The following FAM107A variants were observed in gnomAD, a reference collection of about 807,000 sequenced individuals.
FAM107A encodes the protein family with sequence similarity 107 member A.
A neutral mutation model predicts 13.7 loss-of-function variants in FAM107A; 19 were observed. The observed-to-expected ratio is 1.38, with a 90% CI of 0.97 to 2.03. The LOEUF is 2.03. Among genes scored for constraint, FAM107A ranks in the 30% most tolerant of loss-of-function variants. The probability of loss-of-function intolerance (pLI) is 0.00; values close to 1 mark genes in which losing one functional copy is unlikely to be tolerated. For synonymous variants in FAM107A, 82 were observed against 74.5 expected, an observed-to-expected ratio of 1.10 and a Z score of -0.52; for missense variants, 203 against 184.4, an observed-to-expected ratio of 1.10 and a Z score of -0.58.
chr3:58,588,156 A>G (rs543802715), upstream of FAM107A, among the ~76,000 whole-genome samples: 1 of 152,328 alleles, frequency 6.6e-6, no homozygotes, highest in East Asian at 1.9e-4. Flanking sequence ...CCAAGACCCA[A>G]TCCAGTTCTC....
chr3:58,595,149 C>T (rs142256265), intron 1 of FAM107A, among the ~76,000 whole-genome samples: 8 of 152,182 alleles, frequency 5.3e-5, no homozygotes, highest in African/African-American at 1.2e-4. Flanking sequence ...CAGTCCCACT[C>T]GAAGCAGCCC....
At chr3:58,577,942 A>G (rs1230527350), upstream of FAM107A, among the ~76,000 whole-genome samples, 1 of 152,170 alleles carries the variant, frequency 6.6e-6, no homozygotes, top group East Asian at 1.9e-4. The surrounding 1 kb of genome is among the most constrained non-coding windows in gnomAD (Gnocchi z 4.9). Context: ...GAGCCAACGG[A>G]AGAGCGTGGG....
chr3:58,568,438 CA>C (rs535839912), intron 2 of FAM107A, among the ~76,000 whole-genome samples: 13 of 143,742 alleles, frequency 9.0e-5, no homozygotes, highest in Admixed American at 4.9e-4. Context: ...TCATCTCAAA[CA>C]AAAAAAAAGA....
intron 1 of FAM107A, among the ~76,000 whole-genome samples, chr3:58,582,918 C>T (rs1337370709): frequency 6.6e-6 from 1 of 152,162 alleles, no homozygotes; most frequent in Non-Finnish European, 1.5e-5. Context: ...CCCACCTCAG[C>T]CTCCCGAGTA....
intron 1 of FAM107A, among the ~76,000 whole-genome samples, chr3:58,600,604 G>A (rs928740799): frequency 1.3e-5 from 2 of 152,244 alleles, no homozygotes; most frequent in Non-Finnish European, 1.5e-5. Flanking sequence ...AATGTTCTGA[G>A]AGGATGGATA....
At position 58,570,583 on chromosome 3, in the gene FAM107A, C is replaced by CAGAGAGAGAGAGAGAGAGAGAGAG. The variant is rs371909507; in HGVS notation, c.-5-742_-5-719dup. ...TTGAAATGCCCAAAAGCAAATACAG[C>CAGAGAGAGAGAGAGAGAGAGAGAG]AGAGAGAGAGAGAGAGAGAGAGAGA... On this transcript the variant is annotated intron_variant, in intron 1 of 3. Coordinates refer to ENST00000360997, the MANE Select transcript of FAM107A (RefSeq NM_001076778.3). Among the ~76,000 whole-genome samples, 9 of 91,042 alleles carry CAGAGAGAGAGAGAGAGAGAGAGAG rather than the reference C, an allele frequency of 9.9e-5. 1 individual carries two copies. Among genetic ancestry groups the CAGAGAGAGAGAGAGAGAGAGAGAG allele is most frequent in the Non-Finnish European group, 1.4e-4 (6 of 43,486 alleles). 59.7% of individuals were successfully genotyped at this position (91,042 alleles called of 152,430 possible). A position where few individuals can be genotyped will look rare whatever the true frequency, so the allele number is the denominator to read the frequency against.
upstream of FAM107A, among the ~76,000 whole-genome samples, chr3:58,579,631 G>A (rs532753949): frequency 6.6e-6 from 1 of 152,114 alleles, no homozygotes; most frequent in African/African-American, 2.4e-5. Context: ...TAGGGTCTTT[G>A]GTGGCTCAGA....
Position 58,567,207 on chromosome 3 carries a change from C to T in FAM107A, c.327+1G>A, listed in dbSNP as rs143244041. On this transcript the variant is annotated splice_donor_variant, in intron 3 of 3. Transcript: ENST00000360997. LOFTEE classifies it high-confidence loss of function. ...GTCCCTGCTGGGTGCCCATCACCCA[C>T]CTGGTTCAGCCTCTGCTGCCGTCTC... 8.1e-6 allele frequency: 13 copies of T among 1,614,090 alleles called. No homozygotes were observed. Among genetic ancestry groups the T allele is most frequent in the African/African-American group, 1.3e-5 (1 of 74,944 alleles).
rs1195589462 is a variant in FAM107A, at chr3:58,604,846, A to G, written c.-69-15577T>C. Among the ~76,000 whole-genome samples, 1 of 152,084 alleles carries G rather than the reference A, an allele frequency of 6.6e-6. No homozygotes were observed. Among genetic ancestry groups the G allele is most frequent in the Non-Finnish European group, 1.5e-5 (1 of 68,008 alleles). On this transcript the variant is annotated intron_variant, in intron 1 of 3. Transcript: ENST00000465970. The surrounding 1 kb of genome is among the most constrained non-coding windows in gnomAD (Gnocchi z 4.1). Reference sequence around the variant, plus strand: ...GGATCACATTTTCCTGTCTCTTTGCATGTCTAAACAATTTTGATTGTATAC... The same window carrying G: ...GGATCACATTTTCCTGTCTCTTTGCGTGTCTAAACAATTTTGATTGTATAC...
chr3:58,586,192 A>G (rs1473629278), intron 1 of FAM107A, among the ~76,000 whole-genome samples: 1 of 123,558 alleles, frequency 8.1e-6, no homozygotes, highest in Non-Finnish European at 1.8e-5. Context: ...AGTCGTGCCC[A>G]TTTTCCTCTC....
upstream of FAM107A, among the ~76,000 whole-genome samples, chr3:58,592,105 G>C (rs533854704): frequency 6.6e-6 from 1 of 152,320 alleles, no homozygotes; most frequent in African/African-American, 2.4e-5. Context: ...ATAGAAGAGG[G>C]AGAGTGTTCG....
intron 1 of FAM107A, among the ~76,000 whole-genome samples, chr3:58,601,276 C>T (rs1026104061): frequency 6.9e-6 from 1 of 145,262 alleles, no homozygotes; most frequent in African/African-American, 2.4e-5. Flanking sequence ...CCCACATCCT[C>T]CTCCCAGAAA....
chr3:58,568,782 T>C (rs1158229125), intron 2 of FAM107A, among the ~76,000 whole-genome samples: 1 of 152,226 alleles, frequency 6.6e-6, no homozygotes, highest in Non-Finnish European at 1.5e-5. Context: ...AAGGCACCGC[T>C]GCGTTCACGC....
At chr3:58,609,331 T>C (rs995972592) in intron 1 of FAM107A, 1 of 152,186 alleles carries the variant, frequency 6.6e-6, no homozygotes, top group African/African-American at 2.4e-5. Context: ...TTGTAGACAA[T>C]GTAGGCAATG....
At chr3:58,596,739 T>C (rs1320985757) in intron 1 of FAM107A, among the ~76,000 whole-genome samples, 4 of 152,016 alleles carry the variant, frequency 2.6e-5, no homozygotes, top group Admixed American at 6.6e-5. Flanking sequence ...TGAGGTTTTA[T>C]ATATGTGTTC....
upstream of FAM107A, among the ~76,000 whole-genome samples, chr3:58,579,090 G>A (rs1485309846): frequency 2.6e-5 from 4 of 152,312 alleles, no homozygotes; most frequent in South Asian, 6.2e-4. Context: ...CGTGATGAAC[G>A]CAAGGCTGGG....
intron 1 of FAM107A, among the ~76,000 whole-genome samples, chr3:58,575,868 T>C (rs1378242401): frequency 2.6e-5 from 4 of 152,234 alleles, no homozygotes; most frequent in Non-Finnish European, 5.9e-5. Flanking sequence ...GAGGACCAGC[T>C]GGTGGCCTTC....
intron 1 of FAM107A, among the ~76,000 whole-genome samples, chr3:58,597,272 A>C (rs1221591296): frequency 1.3e-5 from 2 of 152,254 alleles, no homozygotes. Flanking sequence ...GGATACTGCC[A>C]ACAATGATTG....
intron 1 of FAM107A, among the ~76,000 whole-genome samples, chr3:58,599,464 C>G (rs2065734324): frequency 6.6e-6 from 1 of 152,178 alleles, no homozygotes. Flanking sequence ...GGATTGTCCA[C>G]ACCTTCAGCA....
Sources: allele counts gnomAD v4.1 joint callset (sites outside exome capture counted in the v4.1 genomes callset), GRCh38; gene constraint gnomAD v4.1.1; non-coding constraint Gnocchi (gnomAD v3.1); transcripts MANE v1.5; gene names NCBI Gene and HGNC (gene_info 2026-07-23, HGNC 2026-07-21).